Variants in LARGE1 observed in about 807,000 individuals in gnomAD.
The protein encoded by LARGE1 is xylosyl- and glucuronyltransferase LARGE1.
A neutral mutation model predicts 87.6 loss-of-function variants in LARGE1; 43 were observed. The ratio of observed to expected loss-of-function variants is 0.49; its 90% CI spans 0.38 to 0.63. The LOEUF is 0.63. LARGE1 is among the 30% of genes least tolerant of loss of function. The pLI is 0.00. For synonymous variants in LARGE1, 434 were observed against 394.6 expected (o/e 1.10, Z -1.18); for missense variants, 802 against 1,000.2 (o/e 0.80, Z 2.67).
intron 2 of LARGE1, among the ~76,000 whole-genome samples, chr22:33,692,758 A>G (rs2082132112): frequency 1.3e-5 from 2 of 152,222 alleles, no homozygotes; most frequent in South Asian, 4.1e-4. Context: ...GTACTGTATC[A>G]ATTTTTACAA....
At chr22:33,646,435 AGGG>A (rs1436544951) in intron 3 of LARGE1, among the ~76,000 whole-genome samples, 2 of 151,518 alleles carry the variant, frequency 1.3e-5, no homozygotes, top group Non-Finnish European at 1.5e-5. Flanking sequence ...GGACCTGTTG[AGGG>A]GCGGGGCAAG....
At chr22:33,700,291 T>C (rs1013812372) in intron 2 of LARGE1, among the ~76,000 whole-genome samples, 2 of 152,146 alleles carry the variant, frequency 1.3e-5, no homozygotes, top group Non-Finnish European at 1.5e-5. Context: ...ATGCTGGAGT[T>C]TGAGAATCGA....
At chr22:33,551,492 G>C (rs917759445) in intron 6 of LARGE1, among the ~76,000 whole-genome samples, 1 of 152,206 alleles carries the variant, frequency 6.6e-6, no homozygotes, top group Non-Finnish European at 1.5e-5. Flanking sequence ...GTTGCTTATG[G>C]AGAGTAGGAG....
At chr22:33,383,429 G>A (rs886168053) in intron 8 of LARGE1, among the ~76,000 whole-genome samples, 1 of 151,902 alleles carries the variant, frequency 6.6e-6, no homozygotes, top group African/African-American at 2.4e-5. Flanking sequence ...GTGTGGTGCT[G>A]CACGCCTGTA....
the LARGE1 span, among the ~76,000 whole-genome samples, chr22:33,068,219 C>T: frequency 6.6e-6 from 1 of 152,150 alleles, no homozygotes; most frequent in Non-Finnish European, 1.5e-5. Flanking sequence ...TCACTATGGG[C>T]AGGTGGCATT....
intron 6 of LARGE1, among the ~76,000 whole-genome samples, chr22:33,503,400 G>A (rs573697185): frequency 8.6e-5 from 13 of 151,400 alleles, no homozygotes; most frequent in African/African-American, 2.7e-4. Context: ...GGGATTACAG[G>A]CACCCGAGGA....
intron 1 of LARGE1, among the ~76,000 whole-genome samples, chr22:33,830,723 A>C (rs1370132829): frequency 6.6e-6 from 1 of 152,130 alleles, no homozygotes; most frequent in Non-Finnish European, 1.5e-5. Flanking sequence ...TGAATACCAT[A>C]GACTGGGTGG....
intron 1 of LARGE1, among the ~76,000 whole-genome samples, chr22:33,782,670 T>G (rs952967305): frequency 2.0e-5 from 3 of 151,902 alleles, no homozygotes; most frequent in South Asian, 4.2e-4. Context: ...ATCAAGACCA[T>G]CCTGGCCAAC....
At chr22:33,292,978 A>C (rs940444442) in intron 12 of LARGE1, among the ~76,000 whole-genome samples, 1 of 152,222 alleles carries the variant, frequency 6.6e-6, no homozygotes, top group Non-Finnish European at 1.5e-5. Context: ...CCAACACCTA[A>C]ACCTTGGGCA....
rs1386090770 is a variant in LARGE1 at position 33,273,129 on chromosome 22, C to T, written c.*1298G>A. 6.1e-6 allele frequency: 2 copies of T among 327,564 alleles called. No homozygotes were observed. Among genetic ancestry groups the T allele is most frequent in the Non-Finnish European group, 1.1e-5 (2 of 181,706 alleles). The allele number at this position is 327,564 out of a possible 1,614,324, so 20.3% of individuals were successfully genotyped here. ...TATTAAATGCAGCTTTCGCTGGTCA[C>T]ATTGCAACTCAATACAAACAGCCCA... On this transcript the variant is annotated 3_prime_UTR_variant, in exon 15 of 15. Coordinates refer to ENST00000397394, the MANE Select transcript of LARGE1 (RefSeq NM_133642.5).
At chr22:33,315,893 G>A (rs1385258136) in intron 11 of LARGE1, among the ~76,000 whole-genome samples, 192 bp downstream of exon 11, 1 of 152,148 alleles carries the variant, frequency 6.6e-6, no homozygotes, top group Admixed American at 6.5e-5. Context: ...CTCCCAAAGT[G>A]CTAGGATTAC....
Position 33,749,349 on chromosome 22 carries a change from G to A in LARGE1, c.106+12022C>T, listed in dbSNP as rs375084294. ...GGCTGGTCTCGAACTCCCGACCTCAGGTACCCGCCCTCCTCAGCCTCCCAA... is the reference window on the plus strand; with the variant it reads ...GGCTGGTCTCGAACTCCCGACCTCAAGTACCCGCCCTCCTCAGCCTCCCAA... On this transcript the variant is annotated intron_variant, in intron 2 of 14. Coordinates refer to ENST00000397394, the MANE Select transcript of LARGE1 (RefSeq NM_133642.5). Among the ~76,000 whole-genome samples the A allele has an allele frequency of 2.0e-5, 3 of 152,294 alleles. No individual in the cohort carries two copies. The East Asian group carries it at 5.8e-4, about 29-fold the overall frequency.
chr22:33,516,959 C>A (rs2071337376), intron 6 of LARGE1, among the ~76,000 whole-genome samples: 1 of 152,148 alleles, frequency 6.6e-6, no homozygotes. Flanking sequence ...ACATCATTTT[C>A]TTTTTATATG....
At chr22:33,141,239 A>G in the LARGE1 span, among the ~76,000 whole-genome samples, 2 of 151,790 alleles carry the variant, frequency 1.3e-5, no homozygotes, top group African/African-American at 4.8e-5. Flanking sequence ...TGAAATTCAC[A>G]TAATCTATCT....
intron 4 of LARGE1, among the ~76,000 whole-genome samples, chr22:33,614,181 T>C (rs2079518042): frequency 6.6e-6 from 1 of 152,184 alleles, no homozygotes; most frequent in Non-Finnish European, 1.5e-5. Flanking sequence ...AAAATGGGCT[T>C]GATCACAATA....
chr22:33,888,120 T>G (rs2064906995), intron 1 of LARGE1, among the ~76,000 whole-genome samples: 1 of 152,178 alleles, frequency 6.6e-6, no homozygotes. Context: ...TTCATTCTCT[T>G]TCTTCAATTG....
chr22:33,696,339 T>A (rs1188724461), intron 2 of LARGE1, among the ~76,000 whole-genome samples: 1 of 148,438 alleles, frequency 6.7e-6, no homozygotes, highest in East Asian at 2.0e-4. Flanking sequence ...CTCGGCTCAA[T>A]GCAACCTCTG....
At chr22:33,321,781 CACAT>C (rs1215724253) in intron 10 of LARGE1, among the ~76,000 whole-genome samples, 1 of 152,112 alleles carries the variant, frequency 6.6e-6, no homozygotes, top group Non-Finnish European at 1.5e-5. Context: ...GAATGAGAAA[CACAT>C]GCATGTATGG....
chr22:33,920,871 T>C (rs1446490283), upstream of LARGE1, among the ~76,000 whole-genome samples: 1 of 144,858 alleles, frequency 6.9e-6, no homozygotes, highest in East Asian at 2.1e-4. Context: ...CGGCGCGCGA[T>C]CCCCGCCTCC....
Sources: gnomAD v4.1 joint callset for allele counts (sites outside exome capture counted in the v4.1 genomes callset) on GRCh38, gnomAD v4.1.1 for gene constraint, MANE v1.5 for transcripts, NCBI Gene and HGNC (gene_info 2026-07-23, HGNC 2026-07-21) for gene names.